PTPRD: variants seen among roughly 807,000 people sequenced by gnomAD.
The protein encoded by PTPRD is protein tyrosine phosphatase receptor type D.
A neutral mutation model predicts 214.5 loss-of-function variants in PTPRD; 34 were observed. The ratio of observed to expected loss-of-function variants is 0.16; its 90% CI spans 0.12 to 0.21. The LOEUF is 0.21. Among genes scored for constraint, PTPRD ranks in the 10% least tolerant of loss-of-function variants. The probability of loss-of-function intolerance (pLI) is 1.00; values close to 1 mark genes in which losing one functional copy is unlikely to be tolerated. For missense variants in PTPRD, 2,545 were observed against 2,398.7 expected (o/e 1.06, Z -1.27); for synonymous variants, 1,128 against 845.7 (o/e 1.33, Z -5.79).
intron 4 of PTPRD, among the ~76,000 whole-genome samples, chr9:9,950,096 G>C (rs2093295164): frequency 6.6e-6 from 1 of 152,106 alleles, no homozygotes; most frequent in Non-Finnish European, 1.5e-5. Flanking sequence ...TATCACGTCA[G>C]GTTTCCCTGG....
At chr9:10,465,259 C>T (rs1487154485) in intron 2 of PTPRD, among the ~76,000 whole-genome samples, 1 of 152,174 alleles carries the variant, frequency 6.6e-6, no homozygotes, top group East Asian at 1.9e-4. Context: ...AGCATATGTA[C>T]ATGACATGTA....
rs572293216 is a variant in PTPRD at position 9,476,410 on chromosome 9, A to G, written c.-236-78928T>C. Among the ~76,000 whole-genome samples, 209 of 152,344 alleles carry G rather than the reference A, an allele frequency of 1.4e-3. 1 individual carries two copies. Among genetic ancestry groups the G allele is most frequent in the Non-Finnish European group, 2.4e-3 (166 of 68,026 alleles). Reference sequence around the variant, plus strand: ...TAAGGAATATATAAACAAACAGGATAATTGAGGATTATAACAGATTTTGTA... The same window carrying G: ...TAAGGAATATATAAACAAACAGGATGATTGAGGATTATAACAGATTTTGTA... On this transcript the variant is annotated intron_variant, in intron 8 of 45. Coordinates refer to ENST00000381196, the MANE Select transcript of PTPRD (RefSeq NM_002839.4).
chr9:10,242,425 A>T (rs1437796985), intron 3 of PTPRD, among the ~76,000 whole-genome samples: 4 of 151,952 alleles, frequency 2.6e-5, no homozygotes, highest in African/African-American at 4.8e-5. Context: ...ATTTTTGTAT[A>T]ATCACTCAGC....
intron 39 of PTPRD, among the ~76,000 whole-genome samples, chr9:8,349,954 TTCAG>T (rs2074974429): frequency 6.6e-6 from 1 of 151,424 alleles, no homozygotes; most frequent in Non-Finnish European, 1.5e-5. Flanking sequence ...TTTTTTAAAT[TTCAG>T]TAAGTGATAG....
chr9:9,741,646 C>A (rs1198277205), intron 6 of PTPRD, among the ~76,000 whole-genome samples: 2 of 152,136 alleles, frequency 1.3e-5, no homozygotes, highest in Admixed American at 1.3e-4. Flanking sequence ...TGATGTTCGC[C>A]TCCCTGCGTT....
At chr9:9,718,851 C>T (rs115154239) in intron 7 of PTPRD, among the ~76,000 whole-genome samples, 2,197 of 152,250 alleles carry the variant, frequency 0.014, 52 homozygotes, top group African/African-American at 0.049. Context: ...TGGCTTGGCA[C>T]GTGCCTGGTG....
intron 11 of PTPRD, among the ~76,000 whole-genome samples, chr9:8,734,550 C>A (rs1333649648): frequency 6.6e-6 from 1 of 152,200 alleles, no homozygotes; most frequent in Admixed American, 6.5e-5. Flanking sequence ...CAATAGTTAG[C>A]ATGAGCCTCT....
chr9:10,126,201 G>T (rs159224), intron 3 of PTPRD, among the ~76,000 whole-genome samples: 61,145 of 151,832 alleles, frequency 0.4, 13,541 homozygotes, highest in Middle Eastern at 0.52. Context: ...TTGAGAAATA[G>T]TGAGCTCGAT....
intron 7 of PTPRD, among the ~76,000 whole-genome samples, chr9:9,595,556 G>T (rs1471615209): frequency 9.0e-6 from 1 of 110,814 alleles, no homozygotes; most frequent in East Asian, 2.1e-4. Flanking sequence ...GTGTTTGTGT[G>T]TGTGTGTGTG....
At chr9:9,622,671 A>C (rs2095285798) in intron 7 of PTPRD, among the ~76,000 whole-genome samples, 1 of 152,214 alleles carries the variant, frequency 6.6e-6, no homozygotes, top group South Asian at 2.1e-4. Context: ...AAGTCAACTC[A>C]AAGTATTGGT....
chr9:8,826,320 TTG>T (rs2097174507), intron 11 of PTPRD, among the ~76,000 whole-genome samples: 1 of 152,158 alleles, frequency 6.6e-6, no homozygotes, highest in Non-Finnish European at 1.5e-5. Context: ...TTTAAATCCA[TTG>T]TTTCACCCCT....
chr9:9,550,385 C>G (rs886554984), intron 8 of PTPRD, among the ~76,000 whole-genome samples: 1 of 147,096 alleles, frequency 6.8e-6, no homozygotes, highest in Non-Finnish European at 1.5e-5. Flanking sequence ...ATATAGTTCT[C>G]TCTCTATATA....
At chr9:9,956,603 T>G (rs2154013652) in intron 4 of PTPRD, among the ~76,000 whole-genome samples, 1 of 152,276 alleles carries the variant, frequency 6.6e-6, no homozygotes, top group Admixed American at 6.5e-5. Context: ...TTTAATCTAG[T>G]ATTAAATACT....
At chr9:10,506,125 G>A (rs1282454306) in intron 2 of PTPRD, among the ~76,000 whole-genome samples, 1 of 152,086 alleles carries the variant, frequency 6.6e-6, no homozygotes, top group Non-Finnish European at 1.5e-5. Context: ...TTTCATAGAA[G>A]AATGTAAAGA....
At chr9:10,524,670 G>A (rs1411588968) in intron 2 of PTPRD, among the ~76,000 whole-genome samples, 1 of 152,016 alleles carries the variant, frequency 6.6e-6, no homozygotes, top group Non-Finnish European at 1.5e-5. Flanking sequence ...AGCATATATT[G>A]CAGCAGTCAA....
intron 11 of PTPRD, among the ~76,000 whole-genome samples, chr9:8,868,368 T>G (rs2098236214): frequency 6.6e-6 from 1 of 152,066 alleles, no homozygotes; most frequent in African/African-American, 2.4e-5. Flanking sequence ...CTAACTAATT[T>G]TTTTTTGTAT....
At chr9:10,509,470 C>CATCAATCT (rs374157020) in intron 2 of PTPRD, among the ~76,000 whole-genome samples, 1 of 138,120 alleles carries the variant, frequency 7.2e-6, no homozygotes, top group South Asian at 2.3e-4. Context: ...TTGATTGATC[C>CATCAATCT]ATCTATCTAT....
chr9:9,650,489 A>G (rs1322811083), intron 7 of PTPRD, among the ~76,000 whole-genome samples: 1 of 152,152 alleles, frequency 6.6e-6, no homozygotes, highest in East Asian at 1.9e-4. Flanking sequence ...TTTTGCATCA[A>G]TGTTCAACAA....
chr9:10,086,555 A>C (rs1181296337), intron 3 of PTPRD, among the ~76,000 whole-genome samples: 2 of 151,786 alleles, frequency 1.3e-5, no homozygotes, highest in African/African-American at 2.4e-5. Context: ...AAACTTGGAC[A>C]AATACTTTTA....
Sources: gnomAD v4.1 joint callset for allele counts (sites outside exome capture counted in the v4.1 genomes callset) on GRCh38, gnomAD v4.1.1 for gene constraint, MANE v1.5 for transcripts, NCBI Gene and HGNC (gene_info 2026-07-23, HGNC 2026-07-21) for gene names.